Variants in SPATA17 observed in about 807,000 individuals in gnomAD.
The protein encoded by SPATA17 is spermatogenesis-associated protein 17.
In SPATA17, 53 loss-of-function variants were observed where a neutral mutation model predicts 62.2. The ratio of observed to expected loss-of-function variants is 0.85; its 90% CI spans 0.68 to 1.07. The LOEUF is 1.07. Ranked by LOEUF, SPATA17 falls within the 50% of genes least tolerant of loss-of-function variation. The pLI, the probability that SPATA17 is intolerant of heterozygous loss-of-function variation, is 0.00. For missense variants in SPATA17, 466 were observed against 425.5 expected (o/e 1.10, Z -0.84); for synonymous variants, 146 against 146.8 (o/e 0.99, Z 0.04).
chr1:217,862,797 A>G lies in SPATA17; in HGVS notation c.1029A>G (p.Ser343=), dbSNP rs142547669. The G allele has an allele frequency of 6.2e-7, 1 of 1,610,642 alleles. No individual in the cohort carries two copies. Among genetic ancestry groups the G allele is most frequent in the Non-Finnish European group, 8.5e-7 (1 of 1,178,152 alleles). The part of the protein sequence containing the change: ...CDKDFQTVLP[S]FELFSKYGKL... ...AGGATTTCCAGACTGTATTACCATC[A>G]TTTGAGCTCTTCTCAAAGTATGGAA... Residue 343 remains serine, a synonymous_variant, in exon 10 of 11, where the codon TCA becomes TCG. Coordinates refer to ENST00000366933, the MANE Select transcript of SPATA17 (RefSeq NM_138796.4).
At chr1:217,633,943 A>G (rs1381051712) in intron 1 of SPATA17, among the ~76,000 whole-genome samples, 2 of 152,238 alleles carry the variant, frequency 1.3e-5, no homozygotes, top group Non-Finnish European at 2.9e-5. Context: ...ACAAAGAGGA[A>G]GGATCTGGAA....
At chr1:217,852,028 A>C (rs530699936) in intron 9 of SPATA17, among the ~76,000 whole-genome samples, 1 of 152,302 alleles carries the variant, frequency 6.6e-6, no homozygotes, top group African/African-American at 2.4e-5. Context: ...AATAATAATA[A>C]ATCCCATCAA....
At chr1:217,667,339 G>C (rs1399634732) in intron 3 of SPATA17, among the ~76,000 whole-genome samples, 1 of 151,984 alleles carries the variant, frequency 6.6e-6, no homozygotes, top group African/African-American at 2.4e-5. Flanking sequence ...GAGCTACCAT[G>C]CCTGGCCTAG....
intron 5 of SPATA17, among the ~76,000 whole-genome samples, chr1:217,706,823 C>G (rs1034351011): frequency 2.0e-5 from 3 of 151,596 alleles, no homozygotes; most frequent in Admixed American, 2.0e-4. Context: ...CCCTGGTTAG[C>G]TATATTTCTA....
chr1:217,665,446 T>C (rs1670675531), intron 3 of SPATA17: 1 of 152,186 alleles, frequency 6.6e-6, no homozygotes, highest in East Asian at 1.9e-4. Flanking sequence ...CCAAATGGAT[T>C]AAACAGAAGA....
intron 5 of SPATA17, among the ~76,000 whole-genome samples, chr1:217,703,312 C>T (rs1002615121): frequency 3.3e-5 from 5 of 151,886 alleles, no homozygotes; most frequent in African/African-American, 9.7e-5. Flanking sequence ...ATGGGGAATA[C>T]AGGCACCCAC....
intron 9 of SPATA17, among the ~76,000 whole-genome samples, chr1:217,844,747 T>C (rs17041601): frequency 0.13 from 20,025 of 152,092 alleles, 1,389 homozygotes; most frequent in African/African-American, 0.14. Context: ...TGCCTTTCTG[T>C]TGCTTTCATA....
chr1:217,760,488 G>A (rs2102962608), intron 6 of SPATA17, among the ~76,000 whole-genome samples: 1 of 152,146 alleles, frequency 6.6e-6, no homozygotes, highest in South Asian at 2.1e-4. Context: ...CTATATAAGG[G>A]CTCAGTGTTC....
At chr1:217,636,888 A>T (rs183900008) in intron 1 of SPATA17, among the ~76,000 whole-genome samples, 1 of 152,354 alleles carries the variant, frequency 6.6e-6, no homozygotes, top group African/African-American at 2.4e-5. Flanking sequence ...ACACTTAAAA[A>T]TTTTTAAAAC....
chr1:217,746,943 A>G lies in SPATA17; in HGVS notation c.519+4845A>G, dbSNP rs80228918. 5.2e-3 allele frequency among the ~76,000 whole-genome samples: 793 copies of G among 152,166 alleles called. 16 individuals are homozygous for G. Among genetic ancestry groups the G allele is most frequent in the East Asian group, 0.05 (259 of 5,196 alleles). Reference sequence around the variant, plus strand: ...TCAATCACCATTTACTAGTAGTAATAAGGTTAATTTGTTGCTACAGACATA... The same window carrying G: ...TCAATCACCATTTACTAGTAGTAATGAGGTTAATTTGTTGCTACAGACATA... On this transcript the variant is annotated intron_variant, in intron 6 of 10. Coordinates refer to ENST00000366933, the MANE Select transcript of SPATA17 (RefSeq NM_138796.4).
intron 6 of SPATA17, among the ~76,000 whole-genome samples, chr1:217,770,115 G>A (rs758730999): frequency 6.6e-6 from 1 of 152,120 alleles, no homozygotes; most frequent in Non-Finnish European, 1.5e-5. Context: ...ATTAGAGAGA[G>A]ATCTTTACTA....
chr1:217,772,425 G>C (rs1571795697), intron 6 of SPATA17, among the ~76,000 whole-genome samples: 1 of 152,144 alleles, frequency 6.6e-6, no homozygotes. Context: ...TAACTGCTTT[G>C]TATCCAATAA....
At chr1:217,717,817 G>A (rs1185874707) in intron 5 of SPATA17, among the ~76,000 whole-genome samples, 1 of 152,100 alleles carries the variant, frequency 6.6e-6, no homozygotes, top group East Asian at 1.9e-4. Context: ...TTGGACTAGA[G>A]GTTGCCAATC....
intron 8 of SPATA17, among the ~76,000 whole-genome samples, chr1:217,795,507 C>G (rs1214847613): frequency 6.6e-6 from 1 of 151,326 alleles, no homozygotes; most frequent in Non-Finnish European, 1.5e-5. Context: ...GTAGCTGGGA[C>G]TGCATGTGCC....
At chr1:217,799,063 ATTTATAC>A (rs893214665) in intron 8 of SPATA17, among the ~76,000 whole-genome samples, 5 of 152,112 alleles carry the variant, frequency 3.3e-5, no homozygotes, top group Non-Finnish European at 5.9e-5. Flanking sequence ...GTTAGTAGCT[ATTTATAC>A]TTTATAGAGC....
chr1:217,769,169 G>A (rs1673377443), intron 6 of SPATA17, among the ~76,000 whole-genome samples: 2 of 151,974 alleles, frequency 1.3e-5, no homozygotes, highest in Non-Finnish European at 2.9e-5. Context: ...TACATCAAAG[G>A]AAATATTTCA....
chr1:217,711,600 T>C (rs1255313313), intron 5 of SPATA17, among the ~76,000 whole-genome samples: 4 of 152,198 alleles, frequency 2.6e-5, no homozygotes, highest in African/African-American at 9.6e-5. Flanking sequence ...TTGCAGAGTT[T>C]TTGTGAAATA....
In SPATA17 at chr1:217,870,890, G is replaced by T. The variant is rs1481700243; in HGVS notation, c.*3871G>T. The T allele has an allele frequency of 6.6e-6, 1 of 152,026 alleles. No homozygotes were observed. Among genetic ancestry groups the T allele is most frequent in the African/African-American group, 2.4e-5 (1 of 41,414 alleles). The allele number at this position is 152,026 out of a possible 1,614,324, so 9.4% of individuals were successfully genotyped here. A position where few individuals can be genotyped will look rare whatever the true frequency, so the allele number is the denominator to read the frequency against. On this transcript the variant is annotated 3_prime_UTR_variant, in exon 11 of 11. Transcript: ENST00000366933. ...GGACCCAACATCTAACAGAATACCT[G>T]GCATAAAGTGAAATCCATCGAATGT...
chr1:217,639,428 C>A (rs1290417379), intron 1 of SPATA17, among the ~76,000 whole-genome samples: 2 of 151,894 alleles, frequency 1.3e-5, no homozygotes. Flanking sequence ...GAAATGTACT[C>A]AAGAAAGTAC....
Sources: allele counts gnomAD v4.1 joint callset (sites outside exome capture counted in the v4.1 genomes callset), GRCh38; gene constraint gnomAD v4.1.1; transcripts MANE v1.5; gene names NCBI Gene and HGNC (gene_info 2026-07-23, HGNC 2026-07-21).